H2BC12: variants seen among roughly 807,000 people sequenced by gnomAD.
H2BC12 encodes the protein histone H2B type 1-K.
H2BC12 carries 6 observed loss-of-function variants against 6.3 expected under a neutral mutation model. The ratio of observed to expected loss-of-function variants is 0.95; its 90% CI spans 0.52 to 1.87. H2BC12 has a LOEUF of 1.87. Ranked by LOEUF, H2BC12 falls within the 40% of genes most tolerant of loss-of-function variation. The pLI is 0.01. For synonymous variants in H2BC12, 132 were observed against 78.5 expected (o/e 1.68, Z -3.60); for missense variants, 119 against 178.4 (o/e 0.67, Z 1.90).
rs1562028928 is a variant in H2BC12, at chr6:27,146,690, T to C, written c.109A>G (p.Ser37Gly). The C allele has an allele frequency of 6.2e-7, 1 of 1,614,250 alleles. No homozygotes were observed. Among genetic ancestry groups the C allele is most frequent in the Non-Finnish European group, 8.5e-7 (1 of 1,180,052 alleles). The change falls in exon 1 of 1, where the codon AGC becomes GGC. Residue 37 changes from serine to glycine, a missense_variant. By Grantham distance (56) the Ser-to-Gly change is moderately conservative. Around this residue, in one of 2 missense-constraint regions of H2BC12, gnomAD observed 69 missense variants for 141.0 expected, o/e 0.49. Coordinates refer to ENST00000356950, the MANE Select transcript of H2BC12 (RefSeq NM_001312653.2). The part of the protein sequence containing the change: ...GKKRKRSRKE[S>G]YSVYVYKVLK... The stretch of plus-strand genomic sequence containing the variant: ...ACCTTGTACACGTATACGGAGTAGC[T>C]CTCCTTGCGGCTGCGCTTGCGCTTC...
chr6:27,140,453 G>C, the H2BC12 span, among the ~76,000 whole-genome samples: 12 of 152,046 alleles, frequency 7.9e-5, no homozygotes, highest in Non-Finnish European at 1.8e-4. Flanking sequence ...TGCAGTTCTA[G>C]GTTATTTTTA....
At chr6:27,143,656 C>T (rs916213439), downstream of H2BC12, among the ~76,000 whole-genome samples, 6 of 150,790 alleles carry the variant, frequency 4.0e-5, no homozygotes, top group Admixed American at 2.7e-4. Flanking sequence ...ATTGCCAAGT[C>T]CCTAACCACA....
the H2BC12 span, chr6:27,138,567 G>C: frequency 1.3e-5 from 2 of 152,194 alleles, no homozygotes; most frequent in Non-Finnish European, 2.9e-5. Flanking sequence ...TCTAGGTATG[G>C]TTGCATTCTC....
chr6:27,139,231 A>G, the H2BC12 span: 1 of 1,477,390 alleles, frequency 6.8e-7, no homozygotes, highest in African/African-American at 1.4e-5. Flanking sequence ...TCCGGTTTTC[A>G]GTCTGGTCCG....
downstream of H2BC12, among the ~76,000 whole-genome samples, chr6:27,142,391 G>A (rs1041267803): frequency 2.6e-5 from 4 of 151,456 alleles, no homozygotes; most frequent in Non-Finnish European, 5.9e-5. Flanking sequence ...TCCTGCCTCC[G>A]CCTCCCAAGT....
the H2BC12 span, chr6:27,139,174 TTTTAGGTCCCCTCCCCC>T: frequency 1.1e-6 from 1 of 944,136 alleles, no homozygotes; most frequent in Non-Finnish European, 1.5e-6. Flanking sequence ...CCTGTTTCCC[TTTTAGGTCCCCTCCCCC>T]AATGCAGAGG....
chr6:27,145,082 T>C (rs1252127090), downstream of H2BC12, among the ~76,000 whole-genome samples: 1 of 152,144 alleles, frequency 6.6e-6, no homozygotes. Context: ...GCCTCCTATA[T>C]AGGTAAACAA....
chr6:27,140,034 A>G, the H2BC12 span, among the ~76,000 whole-genome samples: 2 of 151,672 alleles, frequency 1.3e-5, no homozygotes, highest in African/African-American at 2.4e-5. Context: ...CTCCAGGAAA[A>G]CTTCGTGGTG....
chr6:27,146,810 A>G lies in H2BC12; in HGVS notation c.-12T>C, dbSNP rs377431207. The G allele has an allele frequency of 1.2e-6, 2 of 1,613,208 alleles. No homozygotes were observed. The highest frequency in any genetic ancestry group is 1.7e-4 in the Middle Eastern group (1 of 6,040). On this transcript the variant is annotated 5_prime_UTR_variant, in exon 1 of 1. Transcript: ENST00000356950. ...GCTGGTTCCGGCATGTTGAAGGCGA[A>G]CTACGAGCCTGAGACGAGCAGCAGA... is the stretch of plus-strand genomic sequence containing the variant.
rs773298679 is a variant in H2BC12, at chr6:27,146,386, G to A, written c.*32C>T. The A allele has an allele frequency of 3.1e-6, 5 of 1,613,884 alleles. No individual in the cohort carries two copies. The highest frequency in any genetic ancestry group is 4.5e-5 in the East Asian group (2 of 44,890). On this transcript the variant is annotated 3_prime_UTR_variant, in exon 1 of 1. Transcript: ENST00000356950. ...TAAGTGGCTCTTAAAAGAGCCTTTG[G>A]GGTTGGGCTTTAAGACGCTTACTTG...
At chr6:27,144,702 A>G (rs569395348), downstream of H2BC12, among the ~76,000 whole-genome samples, 2 of 152,364 alleles carry the variant, frequency 1.3e-5, no homozygotes, top group Admixed American at 6.5e-5. Context: ...TCTAAAGGTA[A>G]TAACAGCAGA....
the H2BC12 span, among the ~76,000 whole-genome samples, chr6:27,141,050 GAAA>G: frequency 7.1e-6 from 1 of 140,320 alleles, no homozygotes; most frequent in Admixed American, 7.1e-5. Flanking sequence ...CAATCTGGGG[GAAA>G]AAAAAAAAAC....
downstream of H2BC12, among the ~76,000 whole-genome samples, chr6:27,145,116 A>C (rs1444858157): frequency 6.6e-6 from 1 of 152,180 alleles, no homozygotes; most frequent in Non-Finnish European, 1.5e-5. Flanking sequence ...TTGTTGATAC[A>C]TTTCTTAGAA....
downstream of H2BC12, among the ~76,000 whole-genome samples, chr6:27,143,982 C>G (rs1562027281): frequency 6.6e-6 from 1 of 151,056 alleles, no homozygotes; most frequent in Non-Finnish European, 1.5e-5. Context: ...CAAATTAAGT[C>G]AAATTAATAC....
downstream of H2BC12, among the ~76,000 whole-genome samples, chr6:27,143,393 A>C (rs761178116): frequency 5.9e-5 from 9 of 152,122 alleles, no homozygotes; most frequent in Non-Finnish European, 1.0e-4. Context: ...ATATTCCTGA[A>C]GATAGAGATA....
At chr6:27,139,656 C>A in the H2BC12 span, 1 of 1,571,390 alleles carries the variant, frequency 6.4e-7, no homozygotes. Flanking sequence ...TCTAAAAAGG[C>A]CCTTTTTAGG....
chr6:27,139,614 C>T, the H2BC12 span: 12,283 of 1,607,340 alleles, frequency 7.6e-3, 85 homozygotes, highest in African/African-American at 0.032. Context: ...ATGGCTTCGG[C>T]GGCTAAATGG....
At chr6:27,139,976 A>C in the H2BC12 span, 262 of 225,892 alleles carry the variant, frequency 1.2e-3, 1 homozygote, top group Non-Finnish European at 1.9e-3. Context: ...ACCTTCAAAT[A>C]CGTCTCAGGA....
At chr6:27,140,233 T>A in the H2BC12 span, among the ~76,000 whole-genome samples, 2 of 152,336 alleles carry the variant, frequency 1.3e-5, no homozygotes, top group East Asian at 3.9e-4. Flanking sequence ...CACCACTTAT[T>A]CAAGTGCATC....
Sources: allele counts gnomAD v4.1 joint callset (sites outside exome capture counted in the v4.1 genomes callset), GRCh38; gene constraint gnomAD v4.1.1; regional missense constraint gnomAD v4.1.1; transcripts MANE v1.5; gene names NCBI Gene and HGNC (gene_info 2026-07-23, HGNC 2026-07-21).